LUZP2: variants seen among roughly 807,000 people sequenced by gnomAD.
LUZP2 encodes leucine zipper protein 2.
A neutral mutation model predicts 51.6 loss-of-function variants in LUZP2; 52 were observed. The observed-to-expected ratio is 1.01, with a 90% CI of 0.81 to 1.27. The LOEUF (loss-of-function observed/expected upper bound fraction) is 1.27. Among genes scored for constraint, LUZP2 ranks in the 50% most tolerant of loss-of-function variants. LUZP2 has a pLI of 0.00. For synonymous variants in LUZP2, 154 were observed against 137.3 expected (o/e 1.12, Z -0.85); for missense variants, 436 against 395.4 (o/e 1.10, Z -0.87).
chr11:24,643,254 C>CAAAAAAAAA (rs570616833), intron 1 of LUZP2, among the ~76,000 whole-genome samples: 178 of 75,496 alleles, frequency 2.4e-3, no homozygotes, highest in Non-Finnish European at 2.7e-3. Flanking sequence ...ACTAAAAGTA[C>CAAAAAAAAA]AAAAAAAAAA....
intron 7 of LUZP2, among the ~76,000 whole-genome samples, chr11:24,954,620 T>G (rs1319687493): frequency 6.6e-6 from 1 of 151,988 alleles, no homozygotes; most frequent in Non-Finnish European, 1.5e-5. Flanking sequence ...CAAGTCAGCT[T>G]AGGAGCCTCC....
intron 1 of LUZP2, among the ~76,000 whole-genome samples, chr11:24,570,675 A>C (rs1224961472): frequency 2.0e-5 from 3 of 152,084 alleles, no homozygotes; most frequent in African/African-American, 7.2e-5. Context: ...CAGATGGAAG[A>C]ATATGCAGCA....
chr11:24,904,181 G>C (rs991772993), intron 5 of LUZP2, among the ~76,000 whole-genome samples: 6 of 152,046 alleles, frequency 3.9e-5, no homozygotes, highest in African/African-American at 1.5e-4. Context: ...TCTGAGTGTG[G>C]TAATATTTCA....
chr11:24,970,564 T>C (rs535484695), intron 7 of LUZP2, among the ~76,000 whole-genome samples: 1 of 152,240 alleles, frequency 6.6e-6, no homozygotes, highest in African/African-American at 2.4e-5. Context: ...GACTGATGAG[T>C]CAGAACTTCG....
chr11:24,920,033 T>C (rs1046239549), intron 7 of LUZP2, among the ~76,000 whole-genome samples: 8 of 151,870 alleles, frequency 5.3e-5, no homozygotes, highest in Admixed American at 4.6e-4. Flanking sequence ...ATTTTGATTT[T>C]AAATTTTATT....
intron 4 of LUZP2, among the ~76,000 whole-genome samples, chr11:24,760,942 C>T (rs58629204): frequency 0.012 from 1,851 of 152,304 alleles, 18 homozygotes; most frequent in East Asian, 0.036. Context: ...TACCTTATGA[C>T]ATCCTTAACC....
rs540075666 is a variant in LUZP2 at position 24,904,351 on chromosome 11, C to T, written c.397-1640C>T. 3.5e-3 allele frequency among the ~76,000 whole-genome samples: 529 copies of T among 152,114 alleles called. 2 individuals carry two copies. The highest frequency in any genetic ancestry group is 0.011 in the African/African-American group (471 of 41,504). The stretch of plus-strand genomic sequence containing the variant: ...AGGCTGGAGTGCAGTGCCGTGATCT[C>T]GGCTCACTGCAAGCTCTGCCTCCTG... On this transcript the variant is annotated intron_variant, in intron 5 of 11. Coordinates refer to ENST00000336930, the MANE Select transcript of LUZP2 (RefSeq NM_001009909.4).
chr11:24,512,661 G>A (rs1237032690), intron 1 of LUZP2, among the ~76,000 whole-genome samples: 1 of 151,964 alleles, frequency 6.6e-6, no homozygotes, highest in Admixed American at 6.6e-5. Flanking sequence ...CACTTAATAC[G>A]AAGTTCAACG....
chr11:24,947,733 C>T (rs892428930), intron 7 of LUZP2, among the ~76,000 whole-genome samples: 1 of 151,742 alleles, frequency 6.6e-6, no homozygotes, highest in African/African-American at 2.4e-5. Context: ...GATATAAAAT[C>T]GTTGGGTGAT....
intron 7 of LUZP2, among the ~76,000 whole-genome samples, chr11:24,948,866 TCTAC>T (rs1400902754): frequency 3.6e-4 from 54 of 148,692 alleles, no homozygotes; most frequent in Middle Eastern, 3.4e-3. Context: ...TATCTATCTA[TCTAC>T]CTATCCATCT....
chr11:24,893,886 G>A (rs58213072), intron 5 of LUZP2, among the ~76,000 whole-genome samples: 6,418 of 151,974 alleles, frequency 0.042, 438 homozygotes, highest in African/African-American at 0.14. Context: ...AATTTAATAT[G>A]AGCATCCATC....
At chr11:24,924,791 A>G (rs576662829) in intron 7 of LUZP2, among the ~76,000 whole-genome samples, 8 of 152,186 alleles carry the variant, frequency 5.3e-5, no homozygotes, top group Non-Finnish European at 1.2e-4. Context: ...TGATAGGTGG[A>G]TTTAAAGATT....
chr11:24,825,034 A>G (rs1455429364), intron 5 of LUZP2, among the ~76,000 whole-genome samples: 2 of 152,178 alleles, frequency 1.3e-5, no homozygotes, highest in Admixed American at 6.5e-5. Context: ...ATATATGTAG[A>G]TCTACATTTG....
chr11:24,675,660 G>A (rs1856518567), intron 1 of LUZP2, among the ~76,000 whole-genome samples: 1 of 151,872 alleles, frequency 6.6e-6, no homozygotes, highest in Non-Finnish European at 1.5e-5. Context: ...AACATCAGTG[G>A]TAACAATAAG....
At chr11:24,829,911 T>C (rs1431748827) in intron 5 of LUZP2, among the ~76,000 whole-genome samples, 2 of 152,164 alleles carry the variant, frequency 1.3e-5, no homozygotes, top group Non-Finnish European at 2.9e-5. Flanking sequence ...TGTATCTAGT[T>C]TTACGTATTT....
At chr11:24,810,761 T>G (rs1036387763) in intron 5 of LUZP2, among the ~76,000 whole-genome samples, 6 of 152,160 alleles carry the variant, frequency 3.9e-5, no homozygotes, top group African/African-American at 1.4e-4. Context: ...AAAGAATAAA[T>G]TAGGTCATAA....
chr11:24,509,641 T>C (rs1284993506), intron 1 of LUZP2, among the ~76,000 whole-genome samples: 1 of 150,256 alleles, frequency 6.7e-6, no homozygotes, highest in Non-Finnish European at 1.5e-5. Context: ...ATATGTTATA[T>C]ACACAGAATA....
At chr11:24,552,559 C>T (rs1249261039) in intron 1 of LUZP2, among the ~76,000 whole-genome samples, 1 of 151,886 alleles carries the variant, frequency 6.6e-6, no homozygotes, top group Non-Finnish European at 1.5e-5. Context: ...ATCATCTACC[C>T]ACAAATTCTG....
chr11:24,966,006 T>A (rs763731987), intron 7 of LUZP2, among the ~76,000 whole-genome samples: 8 of 151,736 alleles, frequency 5.3e-5, no homozygotes, highest in Non-Finnish European at 1.0e-4. Context: ...CTGGAGTAAT[T>A]TTTAGATATT....
Sources: gnomAD v4.1 joint callset for allele counts (sites outside exome capture counted in the v4.1 genomes callset) on GRCh38, gnomAD v4.1.1 for gene constraint, MANE v1.5 for transcripts, NCBI Gene and HGNC (gene_info 2026-07-23, HGNC 2026-07-21) for gene names.